Variants in CNBD1 observed in about 807,000 individuals in gnomAD.
The protein encoded by CNBD1 is cyclic nucleotide binding domain containing 1.
Under a neutral mutation model 54.4 loss-of-function variants are expected in CNBD1, and 71 were observed. That is an observed-to-expected ratio of 1.30 (90% CI 1.08 to 1.59). The LOEUF is 1.59. Ranked by LOEUF, CNBD1 falls within the 40% of genes most tolerant of loss-of-function variation. The pLI is 0.00. For synonymous variants in CNBD1, 182 were observed against 170.7 expected (o/e 1.07, Z -0.51); for missense variants, 659 against 518.0 (o/e 1.27, Z -2.64).
chr8:87,310,902 A>T (rs1586002473), intron 8 of CNBD1, among the ~76,000 whole-genome samples: 1 of 152,162 alleles, frequency 6.6e-6, no homozygotes, highest in Middle Eastern at 3.4e-3. Flanking sequence ...GCTAGCCATA[A>T]GCAGACAAAA....
intron 4 of CNBD1, among the ~76,000 whole-genome samples, chr8:87,134,389 A>C (rs1050589601): frequency 6.6e-6 from 1 of 152,076 alleles, no homozygotes; most frequent in African/African-American, 2.4e-5. Flanking sequence ...AAGAGTATAT[A>C]GTGTACACCA....
Position 86,961,048 on chromosome 8 carries a change from G to C in CNBD1, c.431+21294G>C, listed in dbSNP as rs1054978751. 2.6e-5 allele frequency among the ~76,000 whole-genome samples: 4 copies of C among 152,156 alleles called. No homozygotes were observed. The East Asian group carries it at 7.7e-4, about 29-fold the overall frequency. On this transcript the variant is annotated intron_variant, in intron 4 of 10. Coordinates refer to ENST00000518476, the MANE Select transcript of CNBD1 (RefSeq NM_173538.3). ...ATTTAGACCATGTCTACATTTTGAAGACATTTCTACTTTTATTTTACCAAT... is the reference window on the plus strand; with the variant it reads ...ATTTAGACCATGTCTACATTTTGAACACATTTCTACTTTTATTTTACCAAT...
At chr8:87,367,632 C>A (rs1810667585) in intron 10 of CNBD1, among the ~76,000 whole-genome samples, 1 of 152,140 alleles carries the variant, frequency 6.6e-6, no homozygotes, top group African/African-American at 2.4e-5. Flanking sequence ...GTGTTCCACA[C>A]ATTATTCTAC....
intron 8 of CNBD1, among the ~76,000 whole-genome samples, chr8:87,321,324 G>T (rs530604719): frequency 1.3e-5 from 2 of 152,160 alleles, no homozygotes; most frequent in South Asian, 2.1e-4. Flanking sequence ...ATTTCAACAT[G>T]TCCTTACCAA....
At chr8:87,079,454 G>T (rs541575206) in intron 4 of CNBD1, among the ~76,000 whole-genome samples, 160 of 152,108 alleles carry the variant, frequency 1.1e-3, no homozygotes, top group African/African-American at 3.8e-3. Flanking sequence ...GAGAGTCTCA[G>T]TTACCTTCAT....
At chr8:87,229,200 C>A (rs567188506) in intron 5 of CNBD1, among the ~76,000 whole-genome samples, 1 of 152,216 alleles carries the variant, frequency 6.6e-6, no homozygotes, top group Non-Finnish European at 1.5e-5. Context: ...ATGCAGAAAT[C>A]ACCCGTCTTC....
intron 4 of CNBD1, among the ~76,000 whole-genome samples, chr8:87,082,859 T>A (rs538488842): frequency 3.0e-4 from 46 of 152,322 alleles, no homozygotes; most frequent in African/African-American, 1.0e-3. Flanking sequence ...TTAAAATGAT[T>A]CCATTTTAAA....
intron 5 of CNBD1, among the ~76,000 whole-genome samples, chr8:87,217,366 C>T (rs1342773489): frequency 1.3e-5 from 2 of 151,920 alleles, no homozygotes; most frequent in Admixed American, 6.6e-5. Flanking sequence ...ACAGTTTTAT[C>T]CCCAAGTAAT....
intron 3 of CNBD1, among the ~76,000 whole-genome samples, chr8:86,930,593 G>A (rs1809441057): frequency 6.6e-6 from 1 of 152,158 alleles, no homozygotes; most frequent in South Asian, 2.1e-4. Context: ...GAGGAATGCA[G>A]AAGAAGGCAT....
At chr8:87,033,220 G>A (rs1030020560) in intron 4 of CNBD1, among the ~76,000 whole-genome samples, 12 of 152,138 alleles carry the variant, frequency 7.9e-5, no homozygotes, top group South Asian at 6.2e-4. Context: ...CTTACGCAGA[G>A]TACCATGTGT....
chr8:86,870,137 A>C (rs1808420550), intron 1 of CNBD1, among the ~76,000 whole-genome samples: 1 of 150,798 alleles, frequency 6.6e-6, no homozygotes, highest in Admixed American at 6.6e-5. Context: ...AAAAAAAAGC[A>C]TTCAAGATAA....
rs145639605 is a variant in CNBD1 at position 87,157,799 on chromosome 8, T to C, written c.432-48194T>C. On this transcript the variant is annotated intron_variant, in intron 4 of 10. Coordinates refer to ENST00000518476, the MANE Select transcript of CNBD1 (RefSeq NM_173538.3). The stretch of plus-strand genomic sequence containing the variant: ...CACATTTGCCTATTTTTTTCTTTTA[T>C]TCAAAACAGTCTATTTAATTTCTGA... Among the ~76,000 whole-genome samples, 143 of 152,316 alleles carry C rather than the reference T, an allele frequency of 9.4e-4. 2 individuals are homozygous for C. In the East Asian group the frequency reaches 0.019, roughly 20 times the overall value.
chr8:87,011,914 CAG>C (rs1194476739), intron 4 of CNBD1, among the ~76,000 whole-genome samples: 3 of 152,050 alleles, frequency 2.0e-5, no homozygotes, highest in African/African-American at 7.2e-5. Flanking sequence ...AGGGGGAAAA[CAG>C]ATTAATTGGA....
intron 4 of CNBD1, among the ~76,000 whole-genome samples, chr8:87,037,535 C>T (rs1245373577): frequency 1.3e-5 from 2 of 151,996 alleles, no homozygotes; most frequent in Admixed American, 6.6e-5. Context: ...TCCAGTTTAT[C>T]CTTTTTTGGT....
rs776013274 is a variant in CNBD1, at chr8:87,286,611, A to C, written c.982A>C (p.Thr328Pro). The change falls in exon 8 of 11, where the codon ACT (threonine) becomes CCT (proline). Residue 328 changes from threonine (T) to proline (P), a missense_variant. Coordinates refer to ENST00000518476, the MANE Select transcript of CNBD1 (RefSeq NM_173538.3). ...GTGTCCTTATTATGAGGAATGGCCT[A>C]CTTTATCCATATATGAGCTAATTGC... is the stretch of plus-strand genomic sequence containing the variant. Reference protein sequence around the residue: ...RMCPYYEEWPTLSIYELIALL... With the variant: ...RMCPYYEEWPPLSIYELIALL... The C allele has an allele frequency of 7.2e-6, 11 of 1,519,836 alleles. No homozygotes were observed. The South Asian group carries it at 1.3e-4, about 18-fold the overall frequency. The allele number at this position is 1,519,836 out of a possible 1,614,324, so 94.1% of individuals were successfully genotyped here. A position where few individuals can be genotyped will look rare whatever the true frequency, so the allele number is the denominator to read the frequency against.
At chr8:86,959,223 T>A (rs1807864431) in intron 4 of CNBD1, among the ~76,000 whole-genome samples, 1 of 152,232 alleles carries the variant, frequency 6.6e-6, no homozygotes, top group Non-Finnish European at 1.5e-5. Context: ...GATCCACTGT[T>A]AGTCTGATGG....
intron 8 of CNBD1, among the ~76,000 whole-genome samples, chr8:87,306,572 C>G (rs186594629): frequency 7.2e-5 from 11 of 152,246 alleles, no homozygotes; most frequent in Non-Finnish European, 1.6e-4. Context: ...TGATGGAATA[C>G]TACACAGCCA....
At chr8:87,388,066 G>A (rs138621459) in intron 2 of CNBD1, among the ~76,000 whole-genome samples, 2,766 of 152,006 alleles carry the variant, frequency 0.018, 90 homozygotes, top group African/African-American at 0.06. Context: ...ACGAGAACAA[G>A]GACACAACAC....
intron 6 of CNBD1, among the ~76,000 whole-genome samples, chr8:87,241,462 C>T (rs1489371224): frequency 4.6e-5 from 7 of 151,594 alleles, no homozygotes; most frequent in South Asian, 4.2e-4. Flanking sequence ...TTAGTAGAGA[C>T]GGGGTTTCAC....
Sources: allele counts gnomAD v4.1 joint callset (sites outside exome capture counted in the v4.1 genomes callset), GRCh38; gene constraint gnomAD v4.1.1; transcripts MANE v1.5; gene names NCBI Gene and HGNC (gene_info 2026-07-23, HGNC 2026-07-21).